SVIL: variants seen among roughly 807,000 people sequenced by gnomAD.
The protein encoded by SVIL is archvillin.
SVIL carries 101 observed loss-of-function variants against 240.4 expected under a neutral mutation model. The ratio of observed to expected loss-of-function variants is 0.42; its 90% CI spans 0.36 to 0.50. The LOEUF is 0.50. Ranked by LOEUF, SVIL falls within the 20% of genes least tolerant of loss-of-function variation. SVIL has a pLI of 0.01. For synonymous variants in SVIL, 999 were observed against 1,100.0 expected (o/e 0.91, Z 1.82); for missense variants, 2,512 against 2,818.7 (o/e 0.89, Z 2.46).
chr10:29,462,179 A>G, intron 36 of SVIL, 98 bp downstream of exon 36: 1 of 1,417,260 alleles, frequency 7.1e-7, no homozygotes, highest in Non-Finnish European at 9.4e-7. Context: ...ATATTTTCCC[A>G]CTCTGAAAGT....
At chr10:29,673,111 A>G (rs1472370052) in intron 2 of SVIL, among the ~76,000 whole-genome samples, 2 of 152,052 alleles carry the variant, frequency 1.3e-5, no homozygotes, top group Admixed American at 6.6e-5. Flanking sequence ...ATGGGGTTTC[A>G]CCATGTTGGC....
intron 17 of SVIL, among the ~76,000 whole-genome samples, chr10:29,506,367 C>T (rs544747346): frequency 1.1e-4 from 17 of 152,130 alleles, no homozygotes; most frequent in African/African-American, 3.9e-4. Flanking sequence ...TTTCCAGCTT[C>T]GGGGGAAGGA....
intron 1 of SVIL, among the ~76,000 whole-genome samples, chr10:29,699,800 C>T (rs1752581): frequency 2.0e-5 from 3 of 152,094 alleles, no homozygotes; most frequent in East Asian, 3.9e-4. Flanking sequence ...CCCAGGCCTC[C>T]GGGCACCTGA....
intron 17 of SVIL, among the ~76,000 whole-genome samples, chr10:29,501,090 A>T (rs1948854837): frequency 6.6e-6 from 1 of 152,040 alleles, no homozygotes; most frequent in African/African-American, 2.4e-5. Flanking sequence ...TAAAGCCTTC[A>T]TAGCCAGAAG....
intron 1 of SVIL, among the ~76,000 whole-genome samples, chr10:29,631,331 G>T (rs1302154159): frequency 6.6e-6 from 1 of 152,248 alleles, no homozygotes; most frequent in African/African-American, 2.4e-5. Context: ...TAAGGGCAAA[G>T]CAGTAGCCCA....
intron 6 of SVIL, among the ~76,000 whole-genome samples, chr10:29,537,321 A>G (rs1951812806): frequency 6.6e-6 from 1 of 152,216 alleles, no homozygotes. Context: ...AAATCAACAT[A>G]GCCATTAAAA....
intron 2 of SVIL, among the ~76,000 whole-genome samples, chr10:29,660,940 G>A (rs1959141379): frequency 6.6e-6 from 1 of 152,142 alleles, no homozygotes; most frequent in African/African-American, 2.4e-5. Flanking sequence ...AGGCTGAGAT[G>A]GGAGGATCAT....
chr10:29,660,807 CTG>C (rs894031391), intron 2 of SVIL, among the ~76,000 whole-genome samples: 2 of 152,230 alleles, frequency 1.3e-5, no homozygotes, highest in African/African-American at 2.4e-5. Context: ...GGCTCTACAA[CTG>C]TGAGTCCAGA....
intron 1 of SVIL, among the ~76,000 whole-genome samples, chr10:29,626,980 C>A (rs2132936873): frequency 6.6e-6 from 1 of 151,998 alleles, no homozygotes; most frequent in Non-Finnish European, 1.5e-5. Context: ...GCCGAGATTG[C>A]GCCACTGAGC....
At chr10:29,529,170 T>C (rs1951157769) in intron 12 of SVIL, among the ~76,000 whole-genome samples, 1 of 83,070 alleles carries the variant, frequency 1.2e-5, no homozygotes, top group South Asian at 4.8e-4. Flanking sequence ...AGCAAGACTC[T>C]CTCTCAAAAA....
intron 3 of SVIL, among the ~76,000 whole-genome samples, chr10:29,641,848 A>C (rs1029349010): frequency 3.3e-5 from 5 of 152,192 alleles, no homozygotes; most frequent in Admixed American, 2.0e-4. Flanking sequence ...CACCACATTT[A>C]GATAAACCCA....
intron 16 of SVIL, among the ~76,000 whole-genome samples, chr10:29,514,510 AG>A (rs1216938121): frequency 1.3e-5 from 2 of 152,168 alleles, no homozygotes; most frequent in Admixed American, 6.5e-5. Context: ...CAGAGTAGCT[AG>A]GACTACACTT....
At chr10:29,720,611 C>T (rs1245190621) in intron 1 of SVIL, among the ~76,000 whole-genome samples, 2 of 152,178 alleles carry the variant, frequency 1.3e-5, no homozygotes, top group Admixed American at 6.5e-5. Flanking sequence ...GAAATAGTTA[C>T]TACCTGGGTA....
At chr10:29,591,050 C>T (rs1309582297) in intron 1 of SVIL, among the ~76,000 whole-genome samples, 1 of 152,228 alleles carries the variant, frequency 6.6e-6, no homozygotes, top group African/African-American at 2.4e-5. Flanking sequence ...ACCCAAGAGG[C>T]CAAGCCCGGT....
chr10:29,554,825 G>C lies in SVIL; in HGVS notation c.118C>G (p.Pro40Ala), dbSNP rs1222707704. ...VTHRLLEEDT[P>A]RYMRASDPAS... ...GGGTCGCTGGCTCTCATGTATCGAG[G>C]GGTGTCTTCCTCCAGCAGGCGGTGA... The change falls in exon 5 of 38, where the codon CCT becomes GCT. Residue 40 changes from proline (P) to alanine (A), a missense_variant. Physicochemically the swap from Pro to Ala is conservative, Grantham distance 27 (BLOSUM62 -1). Around this residue, in one of 3 missense-constraint regions of SVIL, gnomAD observed 1,443 missense variants for 1,486.6 expected, o/e 0.97. Coordinates refer to ENST00000355867, the MANE Select transcript of SVIL (RefSeq NM_021738.3). 6 of 1,613,352 alleles carry C rather than the reference G, an allele frequency of 3.7e-6. No homozygotes were observed. The highest frequency in any genetic ancestry group is 5.1e-6 in the Non-Finnish European group (6 of 1,179,712).
Position 29,735,468 on chromosome 10 carries a change from G to C in SVIL, c.-400+283C>G, listed in dbSNP as rs1964849718. ...CGCTCCTCCCCGAGGCGCGCTCCGG[G>C]GACGGAAGTGGGTGGGAGCCGCGGC... On this transcript the variant is annotated intron_variant, in intron 1 of 35. Transcript: ENST00000375400. This position sits in a 1 kb window ranked among gnomAD's most constrained non-coding sequence, Gnocchi z 4.1. Among the ~76,000 whole-genome samples, 2 of 151,824 alleles carry C rather than the reference G, an allele frequency of 1.3e-5. No homozygotes were observed. Among genetic ancestry groups the C allele is most frequent in the East Asian group, 1.9e-4 (1 of 5,140 alleles).
intron 17 of SVIL, among the ~76,000 whole-genome samples, chr10:29,509,884 T>C (rs1181690693): frequency 6.6e-6 from 1 of 152,122 alleles, no homozygotes; most frequent in African/African-American, 2.4e-5. Context: ...CAGCTTAATA[T>C]CTATTCACAG....
At chr10:29,571,194 G>A (rs1229979896) in intron 1 of SVIL, among the ~76,000 whole-genome samples, 1 of 152,222 alleles carries the variant, frequency 6.6e-6, no homozygotes, top group Non-Finnish European at 1.5e-5. Context: ...AGAAGCAAGA[G>A]GCCACTGGCT....
chr10:29,641,109 T>A (rs1218828330), intron 3 of SVIL, among the ~76,000 whole-genome samples: 2 of 152,158 alleles, frequency 1.3e-5, no homozygotes, highest in East Asian at 3.8e-4. Flanking sequence ...ACTTATAAAA[T>A]TAAATTTGTT....
Sources: gnomAD v4.1 joint callset for allele counts (sites outside exome capture counted in the v4.1 genomes callset) on GRCh38, gnomAD v4.1.1 for gene constraint, gnomAD v4.1.1 regional missense constraint, Gnocchi (gnomAD v3.1) non-coding constraint, MANE v1.5 for transcripts, NCBI Gene and HGNC (gene_info 2026-07-23, HGNC 2026-07-21) for gene names.